The following MGAT5 variants were observed in gnomAD, a reference collection of about 807,000 sequenced individuals.
MGAT5 encodes alpha-1,6-mannosylglycoprotein 6-beta-N-acetylglucosaminyltransferase A.
In MGAT5, 30 loss-of-function variants were observed where a neutral mutation model predicts 94.3. The ratio of observed to expected loss-of-function variants is 0.32; its 90% CI spans 0.24 to 0.43. The LOEUF (loss-of-function observed/expected upper bound fraction) is 0.43, where lower values mean the gene tolerates loss of function less well. MGAT5 is among the 20% of genes least tolerant of loss of function. The probability of loss-of-function intolerance (pLI) is 1.00; values close to 1 mark genes in which losing one functional copy is unlikely to be tolerated. For synonymous variants in MGAT5, 310 were observed against 322.9 expected (o/e 0.96, Z 0.43); for missense variants, 691 against 905.5 (o/e 0.76, Z 3.04).
At chr2:134,322,191 T>A (rs1687372663) in intron 4 of MGAT5, among the ~76,000 whole-genome samples, 2 of 151,948 alleles carry the variant, frequency 1.3e-5, no homozygotes, top group Admixed American at 1.3e-4. Context: ...GTTTTAAATG[T>A]TGTGATCTTT....
chr2:134,303,234 C>G (rs1686136420), intron 2 of MGAT5, among the ~76,000 whole-genome samples: 1 of 152,078 alleles, frequency 6.6e-6, no homozygotes, highest in African/African-American at 2.4e-5. Flanking sequence ...TTTATAATAA[C>G]CGCTTTAAAT....
At chr2:134,354,386 G>A (rs1430647861) in intron 9 of MGAT5, among the ~76,000 whole-genome samples, 2 of 152,138 alleles carry the variant, frequency 1.3e-5, no homozygotes, top group Non-Finnish European at 2.9e-5. Context: ...GACAGAGAGC[G>A]TGGGGAAGGC....
intron 4 of MGAT5, among the ~76,000 whole-genome samples, chr2:134,332,446 A>G (rs1185227633): frequency 6.6e-6 from 1 of 152,186 alleles, no homozygotes; most frequent in Non-Finnish European, 1.5e-5. Context: ...TTCAAGATGG[A>G]TTAAAGACTT....
intron 1 of MGAT5, among the ~76,000 whole-genome samples, chr2:134,176,449 G>C (rs1260735282): frequency 8.6e-5 from 13 of 151,636 alleles, no homozygotes; most frequent in African/African-American, 2.9e-4. Flanking sequence ...GCATATGCCT[G>C]TAATTCTAGC....
intron 1 of MGAT5, among the ~76,000 whole-genome samples, chr2:134,169,289 C>T (rs1558967393): frequency 6.6e-6 from 1 of 151,932 alleles, no homozygotes; most frequent in Non-Finnish European, 1.5e-5. Context: ...CCTGTAATCC[C>T]AGCACTTTGG....
intron 1 of MGAT5, among the ~76,000 whole-genome samples, chr2:134,235,757 G>A (rs6752163): frequency 0.44 from 65,683 of 150,126 alleles, 15,166 homozygotes; most frequent in African/African-American, 0.57. Flanking sequence ...AGTGATTATA[G>A]AAGTATTTTT....
chr2:134,237,820 G>A (rs1681740324), intron 1 of MGAT5, among the ~76,000 whole-genome samples: 1 of 148,758 alleles, frequency 6.7e-6, no homozygotes, highest in Non-Finnish European at 1.5e-5. Flanking sequence ...GTGCGATCTT[G>A]GCTCACCGCA....
In MGAT5 at chr2:134,402,533, G is replaced by A. The variant is rs116583869; in HGVS notation, c.1381-455G>A. Among the ~76,000 whole-genome samples the A allele has an allele frequency of 9.4e-3, 1,437 of 152,120 alleles. 18 individuals are homozygous for A. The highest frequency in any genetic ancestry group is 0.033 in the African/African-American group (1,388 of 41,474). ...GCTGGGGAATGTTTGTATTCCTCTG[G>A]GACAGCTTAGCATCTCTGGGTAAAT... On this transcript the variant is annotated intron_variant, in intron 10 of 15. Transcript: ENST00000281923.
Position 134,345,046 on chromosome 2 carries a change from C to T in MGAT5, c.1094C>T (p.Pro365Leu). ...GCTCAATTCAAGAAAACTCTTGGAC[C>T]ATCCTGGGTTCATTACCAGTAAGTG... ...GLAQFKKTLGPSWVHYQCMLR... is the reference protein window; with the variant it reads ...GLAQFKKTLGLSWVHYQCMLR... The change falls in exon 8 of 16, where the codon CCA (proline) becomes CTA (leucine). Residue 365 changes from proline (P) to leucine (L), a missense_variant. Coordinates refer to ENST00000281923, the MANE Select transcript of MGAT5 (RefSeq NM_002410.5). The T allele has an allele frequency of 1.9e-6, 3 of 1,613,160 alleles. No individual in the cohort carries two copies. The highest frequency in any genetic ancestry group is 1.7e-6 in the Non-Finnish European group (2 of 1,179,424).
At chr2:134,291,040 A>C (rs10207296) in intron 2 of MGAT5, among the ~76,000 whole-genome samples, 2,664 of 152,196 alleles carry the variant, frequency 0.018, 90 homozygotes, top group African/African-American at 0.061. Context: ...GACAGTTTAC[A>C]TGTAATGTCA....
At chr2:134,254,762 G>C in intron 1 of MGAT5, 118 bp downstream of exon 1, 1 of 1,356,314 alleles carries the variant, frequency 7.4e-7, no homozygotes, top group Non-Finnish European at 1.0e-6. Flanking sequence ...GCCTTCATAA[G>C]CAGTGAATTG....
chr2:134,148,941 T>G (rs1573745021), intron 1 of MGAT5, among the ~76,000 whole-genome samples: 2 of 152,010 alleles, frequency 1.3e-5, no homozygotes, highest in African/African-American at 2.4e-5. Context: ...GTTTTTGTAC[T>G]TTTAGTAGAG....
At chr2:134,314,519 G>C (rs1000115793) in intron 2 of MGAT5, among the ~76,000 whole-genome samples, 1 of 152,114 alleles carries the variant, frequency 6.6e-6, no homozygotes, top group African/African-American at 2.4e-5. Context: ...CTTCCTATAG[G>C]TTCCTCATGT....
chr2:134,212,728 T>C (rs1042280793), intron 1 of MGAT5, among the ~76,000 whole-genome samples: 9 of 152,124 alleles, frequency 5.9e-5, no homozygotes, highest in African/African-American at 2.2e-4. Flanking sequence ...CCATGGAAAA[T>C]GGTGGGAAGA....
intron 1 of MGAT5, among the ~76,000 whole-genome samples, chr2:134,181,230 G>A (rs187104784): frequency 2.6e-5 from 4 of 152,274 alleles, no homozygotes; most frequent in East Asian, 3.9e-4. Flanking sequence ...CTTCCAGTAG[G>A]TAGAGTCCAG....
intron 10 of MGAT5, among the ~76,000 whole-genome samples, chr2:134,398,285 T>C (rs1449154081): frequency 1.3e-5 from 2 of 152,124 alleles, no homozygotes; most frequent in South Asian, 2.1e-4. Context: ...GACTTAAATT[T>C]TTCTCTGCCC....
chr2:134,373,797 A>G (rs2106167472), intron 10 of MGAT5, among the ~76,000 whole-genome samples: 1 of 152,328 alleles, frequency 6.6e-6, no homozygotes, highest in East Asian at 1.9e-4. Context: ...AGTCAAGGGC[A>G]CTGCCACCCT....
At chr2:134,291,185 T>C (rs913798953) in intron 2 of MGAT5, among the ~76,000 whole-genome samples, 2 of 152,134 alleles carry the variant, frequency 1.3e-5, no homozygotes, top group East Asian at 1.9e-4. Context: ...CAAATACATA[T>C]GTTGAGATCC....
intron 6 of MGAT5, 28 bp from the exon 7 acceptor site, chr2:134,341,562 A>T (rs1218604451): frequency 3.8e-6 from 6 of 1,591,444 alleles, no homozygotes; most frequent in Non-Finnish European, 5.1e-6. Context: ...GTTCAGTGTG[A>T]ATCAGTATAT....
Sources: gnomAD v4.1 joint callset for allele counts (sites outside exome capture counted in the v4.1 genomes callset) on GRCh38, gnomAD v4.1.1 for gene constraint, MANE v1.5 for transcripts, NCBI Gene and HGNC (gene_info 2026-07-23, HGNC 2026-07-21) for gene names.